Variants in MAP3K2 observed in about 807,000 individuals in gnomAD.
The protein encoded by MAP3K2 is mitogen-activated protein kinase kinase kinase 2.
In MAP3K2, 24 loss-of-function variants were observed where a neutral mutation model predicts 80.3. The ratio of observed to expected loss-of-function variants is 0.30; its 90% CI spans 0.22 to 0.42. The LOEUF is 0.42. Ranked by LOEUF, MAP3K2 falls within the 10% of genes least tolerant of loss-of-function variation. The pLI is 1.00. For missense variants in MAP3K2, 608 were observed against 750.1 expected, an observed-to-expected ratio of 0.81 and a Z score of 2.21; for synonymous variants, 244 against 253.7, an observed-to-expected ratio of 0.96 and a Z score of 0.36.
chr2:127,328,534 A>C (rs997956772), intron 7 of MAP3K2, among the ~76,000 whole-genome samples: 4 of 152,238 alleles, frequency 2.6e-5, no homozygotes, highest in African/African-American at 9.6e-5. Flanking sequence ...AGAGAGCTGG[A>C]ATTTGAATTT....
intron 15 of MAP3K2, 115 bp from the exon 16 acceptor site, chr2:127,308,877 G>C: frequency 1.8e-6 from 2 of 1,116,148 alleles, no homozygotes; most frequent in Admixed American, 2.5e-5. Flanking sequence ...CCCAAAGTTA[G>C]GCTGCTTTTC....
At chr2:127,382,870 T>C (rs1338485708) in intron 1 of MAP3K2, among the ~76,000 whole-genome samples, 1 of 152,218 alleles carries the variant, frequency 6.6e-6, no homozygotes, top group Non-Finnish European at 1.5e-5. Context: ...TGCAGATTGC[T>C]TTGAGTAGTG....
intron 4 of MAP3K2, 149 bp from the exon 5 acceptor site, chr2:127,336,118 A>G (rs186119199): frequency 1.0e-4 from 52 of 515,674 alleles, no homozygotes; most frequent in African/African-American, 8.7e-4. Context: ...ACATTTTTTA[A>G]CACAGGCACA....
intron 3 of MAP3K2, 73 bp downstream of exon 3, chr2:127,338,859 T>A: frequency 9.8e-7 from 1 of 1,025,550 alleles, no homozygotes; most frequent in Non-Finnish European, 1.4e-6. Context: ...CTGAACACAT[T>A]AAACAAGTCC....
At chr2:127,335,253 A>C (rs945661797) in intron 5 of MAP3K2, among the ~76,000 whole-genome samples, 3 of 152,194 alleles carry the variant, frequency 2.0e-5, no homozygotes, top group African/African-American at 7.2e-5. Flanking sequence ...CTAATTACTA[A>C]CCCAATTATT....
Position 127,308,649 on chromosome 2 carries a change from T to C in MAP3K2, c.1570A>G (p.Thr524Ala). 1.2e-6 allele frequency: 2 copies of C among 1,613,768 alleles called. No homozygotes were observed. The change falls in exon 16 of 17, where the codon ACA becomes GCA. Residue 524 changes from threonine to alanine, a missense_variant. Thr to Ala is a moderately conservative substitution (Grantham distance 58). Transcript: ENST00000682094. ...SGTGMKSVTG[T>A]PYWMSPEVIS... ...ACTTCAGGGCTCATCCAGTATGGTG[T>C]GCCCGTGACAGACTTCATTCCTGTC...
At chr2:127,323,521 C>G (rs1447449277) in intron 11 of MAP3K2, among the ~76,000 whole-genome samples, 4 of 151,918 alleles carry the variant, frequency 2.6e-5, no homozygotes, top group Non-Finnish European at 5.9e-5. Context: ...ACTGTCTCTA[C>G]AAAAAAAATT....
chr2:127,387,928 G>C lies in MAP3K2; in HGVS notation c.-542C>G, dbSNP rs1242935238. On this transcript the variant is annotated 5_prime_UTR_variant, in exon 1 of 17. Transcript: ENST00000682094. ...GGCCGCGGCACCCTCGTCAGGCGCC[G>C]CCGCTGAGGGCAGGCAGCCCGGCAG... 1.0e-6 allele frequency: 1 copy of C among 984,588 alleles called. No individual in the cohort carries two copies. Among genetic ancestry groups the C allele is most frequent in the African/African-American group, 1.8e-5 (1 of 57,116 alleles). 61.0% of individuals were successfully genotyped at this position (984,588 alleles called of 1,614,324 possible).
intron 1 of MAP3K2, among the ~76,000 whole-genome samples, chr2:127,369,570 T>C (rs1293218370): frequency 6.6e-6 from 1 of 151,846 alleles, no homozygotes; most frequent in Admixed American, 6.6e-5. Context: ...AGAAATAGTA[T>C]TGACTCACAT....
intron 15 of MAP3K2, among the ~76,000 whole-genome samples, chr2:127,309,017 G>C (rs554619474): frequency 6.6e-6 from 1 of 152,262 alleles, no homozygotes; most frequent in African/African-American, 2.4e-5. Context: ...AAAAGGACTG[G>C]TGCAGGTTGG....
intron 5 of MAP3K2, among the ~76,000 whole-genome samples, chr2:127,335,076 G>C (rs1170756955): frequency 6.6e-6 from 1 of 151,982 alleles, no homozygotes; most frequent in South Asian, 2.1e-4. Flanking sequence ...CCTACTTTAT[G>C]CATTTCTTTC....
chr2:127,329,976 T>G lies in MAP3K2; in HGVS notation c.411A>C (p.Glu137Asp). ...CTCCAAATACTGTATTATCCAAATC[T>G]TCTAGTGATGGCAATGGTTCTAAAT... ...ATNLEPLPSL[E>D]DLDNTVFGAE... The change falls in exon 7 of 17, where the codon GAA becomes GAC. Residue 137 changes from glutamate (E) to aspartate (D), a missense_variant. By Grantham distance (45) the Glu-to-Asp change is conservative. Transcript: ENST00000682094. The G allele has an allele frequency of 6.2e-7, 1 of 1,609,984 alleles. No individual in the cohort carries two copies. Among genetic ancestry groups the G allele is most frequent in the Non-Finnish European group, 8.5e-7 (1 of 1,176,792 alleles).
rs1438460005 is a variant in MAP3K2 at position 127,339,865 on chromosome 2, TAAATA to T, written c.5-820_5-816del. ...TTCTACTAATGATAATCACAAATGA[TAAATA>T]AAGGAATCAAGAGACTTTACACTTT... On this transcript the variant is annotated intron_variant, in intron 2 of 16. Coordinates refer to ENST00000682094, the MANE Select transcript of MAP3K2 (RefSeq NM_001371910.2). The surrounding 1 kb of genome is among the most constrained non-coding windows in gnomAD (Gnocchi z 4.2). Among the ~76,000 whole-genome samples, 1 of 152,168 alleles carries T rather than the reference TAAATA, an allele frequency of 6.6e-6. No homozygotes were observed. Among genetic ancestry groups the T allele is most frequent in the Admixed American group, 6.5e-5 (1 of 15,272 alleles).
At chr2:127,369,982 G>T (rs1383351947) in intron 1 of MAP3K2, among the ~76,000 whole-genome samples, 1 of 152,228 alleles carries the variant, frequency 6.6e-6, no homozygotes, top group Admixed American at 6.5e-5. Flanking sequence ...GCTGAAGGCA[G>T]CCAGATTGTC....
intron 1 of MAP3K2, among the ~76,000 whole-genome samples, chr2:127,383,619 G>A (rs908109987): frequency 2.0e-5 from 3 of 152,254 alleles, no homozygotes; most frequent in South Asian, 4.1e-4. Context: ...CATGTCATCA[G>A]GGAATAGGGT....
In MAP3K2 at chr2:127,322,857, A is replaced by C. The variant is rs112264523; in HGVS notation, c.839-605T>G. On this transcript the variant is annotated intron_variant, in intron 11 of 16. Transcript: ENST00000682094. This position sits in a 1 kb window ranked among gnomAD's most constrained non-coding sequence, Gnocchi z 4.2. ...TGATCCACCCGCCTCGGCCTCCCAA[A>C]GTGCTGGGATTACAGGCATGAGCCA... 0.087 allele frequency among the ~76,000 whole-genome samples: 13,222 copies of C among 151,632 alleles called. 763 individuals are homozygous for C. Among genetic ancestry groups the C allele is most frequent in the African/African-American group, 0.17 (6,959 of 41,332 alleles).
At chr2:127,378,128 A>C in intron 1 of MAP3K2, 1 of 976,954 alleles carries the variant, frequency 1.0e-6, no homozygotes, top group Middle Eastern at 5.3e-4. Context: ...CTGAGAGAAG[A>C]TGACAGACAT....
chr2:127,345,367 C>CA (rs754454933), intron 1 of MAP3K2, among the ~76,000 whole-genome samples: 1 of 152,064 alleles, frequency 6.6e-6, no homozygotes, highest in Non-Finnish European at 1.5e-5. Context: ...AACAGAATCG[C>CA]AAAATACACA....
At chr2:127,343,413 G>C (rs1326700446) in intron 1 of MAP3K2, among the ~76,000 whole-genome samples, 1 of 152,132 alleles carries the variant, frequency 6.6e-6, no homozygotes, top group African/African-American at 2.4e-5. Context: ...AAGAAAAGCA[G>C]GTATTCAGCA....
Sources: gnomAD v4.1 joint callset for allele counts (sites outside exome capture counted in the v4.1 genomes callset) on GRCh38, gnomAD v4.1.1 for gene constraint, Gnocchi (gnomAD v3.1) non-coding constraint, MANE v1.5 for transcripts, NCBI Gene and HGNC (gene_info 2026-07-23, HGNC 2026-07-21) for gene names.